The following TNPO3 variants were observed in gnomAD, a reference collection of about 807,000 sequenced individuals.
The protein encoded by TNPO3 is transportin 3.
TNPO3 carries 65 observed loss-of-function variants against 122.8 expected under a neutral mutation model. The ratio of observed to expected loss-of-function variants is 0.53; its 90% CI spans 0.43 to 0.65. The LOEUF (loss-of-function observed/expected upper bound fraction) is 0.65. TNPO3 is among the 30% of genes least tolerant of loss of function. The pLI is 0.00. For synonymous variants in TNPO3, 372 were observed against 411.2 expected (o/e 0.90, Z 1.15); for missense variants, 850 against 1,136.7 (o/e 0.75, Z 3.63).
chr7:129,027,359 G>A (rs1199993909), intron 1 of TNPO3, among the ~76,000 whole-genome samples: 3 of 151,662 alleles, frequency 2.0e-5, no homozygotes, highest in Non-Finnish European at 1.5e-5. Flanking sequence ...TCAGGAGTTT[G>A]AGACTAACCT....
chr7:128,970,423 T>G (rs898637206), intron 19 of TNPO3, 108 bp from the exon 20 acceptor site: 3 of 1,038,822 alleles, frequency 2.9e-6, no homozygotes, highest in Non-Finnish European at 4.2e-6. Context: ...AGTGTGTGTG[T>G]GTGTGCACGC....
rs886043855 is a variant in TNPO3, at chr7:129,001,227, T to A, written c.704A>T (p.Asp235Val). ...LALLFEVLQQ[D>V]KTSSNLHEAA... is the part of the protein sequence containing the mutation. ...TTCATGTAGGTTAGACGAGGTCTTA[T>A]CCTGTTGCTGGGGAGGTAGCAGGAA... Residue 235 changes from aspartate (D) to valine (V), a missense_variant, in exon 6 of 23, where the codon GAT (aspartate) becomes GTT (valine). Transcript: ENST00000265388. 3 of 1,603,038 alleles carry A rather than the reference T, an allele frequency of 1.9e-6. No individual in the cohort carries two copies. Among genetic ancestry groups the A allele is most frequent in the Non-Finnish European group, 2.6e-6 (3 of 1,171,270 alleles).
At chr7:129,003,347 A>G (rs1235812761) in intron 5 of TNPO3, among the ~76,000 whole-genome samples, 34 of 145,994 alleles carry the variant, frequency 2.3e-4, no homozygotes, top group African/African-American at 8.7e-4. Flanking sequence ...GTTGTACCAG[A>G]AAGTCATGGT....
chr7:128,986,425 T>C (rs1189428761), intron 12 of TNPO3, among the ~76,000 whole-genome samples: 3 of 152,250 alleles, frequency 2.0e-5, no homozygotes, highest in Non-Finnish European at 4.4e-5. Flanking sequence ...TCTCCCTTTT[T>C]ATTCTTCCAA....
chr7:129,014,819 T>C (rs1803646331), intron 4 of TNPO3, among the ~76,000 whole-genome samples, 160 bp downstream of exon 4: 1 of 152,226 alleles, frequency 6.6e-6, no homozygotes, highest in Non-Finnish European at 1.5e-5. Flanking sequence ...AAAGCATAGT[T>C]TCTGAAAGTA....
intron 4 of TNPO3, among the ~76,000 whole-genome samples, chr7:129,013,016 A>T (rs1490408958): frequency 1.3e-5 from 2 of 152,210 alleles, no homozygotes; most frequent in African/African-American, 4.8e-5. Context: ...TTTTTTAAAA[A>T]ATGTGTATTA....
At chr7:128,973,735 CAAAAAAAAAA>C (rs71162544) in intron 18 of TNPO3, among the ~76,000 whole-genome samples, 1 of 5,274 alleles carries the variant, frequency 1.9e-4, no homozygotes, top group Non-Finnish European at 2.8e-4. Context: ...GACTCCGTCT[CAAAAAAAAAA>C]AAAAAAAAAA....
intron 14 of TNPO3, among the ~76,000 whole-genome samples, chr7:128,980,633 T>C (rs1799533809): frequency 2.6e-5 from 4 of 151,244 alleles, no homozygotes; most frequent in Admixed American, 2.6e-4. Flanking sequence ...GTGGTTGCAG[T>C]GAACCGAGAT....
At chr7:129,012,349 G>T (rs1156512891) in intron 4 of TNPO3, among the ~76,000 whole-genome samples, 1 of 152,008 alleles carries the variant, frequency 6.6e-6, no homozygotes, top group Non-Finnish European at 1.5e-5. Context: ...ATTTTTAATA[G>T]AATTTTAATT....
intron 1 of TNPO3, among the ~76,000 whole-genome samples, chr7:129,051,147 A>AG (rs1435505641): frequency 1.6e-5 from 1 of 63,992 alleles, no homozygotes; most frequent in African/African-American, 3.5e-5. Context: ...CAAAATGTTA[A>AG]AAAAAAAAAG....
chr7:129,022,502 G>A (rs1804640903), intron 1 of TNPO3, among the ~76,000 whole-genome samples: 1 of 151,530 alleles, frequency 6.6e-6, no homozygotes, highest in African/African-American at 2.4e-5. Context: ...ATGTTGGGGG[G>A]TAGGGGAGAA....
rs567161792 is a variant in TNPO3 at position 128,974,752 on chromosome 7, A to T, written c.2273+116T>A. On this transcript the variant is annotated intron_variant, in intron 18 of 22. Coordinates refer to ENST00000265388, the MANE Select transcript of TNPO3 (RefSeq NM_012470.4). Reference sequence around the variant, plus strand: ...ATTTACCTTTGGGTTATGAATCATTAATCTACTTACTCCAGTGACTTCATT... The same window carrying T: ...ATTTACCTTTGGGTTATGAATCATTTATCTACTTACTCCAGTGACTTCATT... The T allele has an allele frequency of 2.7e-4, 222 of 837,206 alleles. 1 individual carries two copies. In the South Asian group the frequency reaches 3.2e-3, roughly 12 times the overall value. The allele number at this position is 837,206 out of a possible 1,614,324, so 51.9% of individuals were successfully genotyped here. A position where few individuals can be genotyped will look rare whatever the true frequency, so the allele number is the denominator to read the frequency against.
In TNPO3 at chr7:128,986,837, A is replaced by G; in HGVS notation, c.1582T>C (p.Ser528Pro). 1.2e-6 allele frequency: 2 copies of G among 1,614,102 alleles called. No individual in the cohort carries two copies. Among genetic ancestry groups the G allele is most frequent in the Non-Finnish European group, 1.7e-6 (2 of 1,180,012 alleles). ...AAAKAIHNIC[S>P]VCRDHMAQHF... ...TGAGCCATGTGATCTCGGCAGACAG[A>G]GCAAATGTTATGAATGGCTTTGGCT... Residue 528 changes from serine to proline, a missense_variant, in exon 12 of 23, where the codon TCT becomes CCT. By Grantham distance (74) the Ser-to-Pro change is moderately conservative. Transcript: ENST00000265388.
intron 1 of TNPO3, among the ~76,000 whole-genome samples, chr7:129,045,681 G>A (rs1807954894): frequency 6.6e-6 from 1 of 151,990 alleles, no homozygotes; most frequent in Non-Finnish European, 1.5e-5. Context: ...AAATATAGTA[G>A]TACCCTGATA....
chr7:128,989,881 C>A, intron 11 of TNPO3, 80 bp downstream of exon 11: 1 of 1,521,944 alleles, frequency 6.6e-7, no homozygotes, highest in Admixed American at 1.8e-5. Context: ...GAAAGGAAAA[C>A]ACATGCAAAA....
chr7:129,014,398 C>T (rs996659022), intron 4 of TNPO3, among the ~76,000 whole-genome samples: 1 of 152,144 alleles, frequency 6.6e-6, no homozygotes, highest in Non-Finnish European at 1.5e-5. Flanking sequence ...TGGCGCACAC[C>T]TGTAGTCCCA....
intron 11 of TNPO3, among the ~76,000 whole-genome samples, chr7:128,988,899 C>T (rs974384055): frequency 7.2e-5 from 11 of 151,976 alleles, no homozygotes; most frequent in South Asian, 2.1e-4. Context: ...CCCAACATAG[C>T]GAAACCCTGT....
At chr7:129,049,806 G>T (rs1364320047) in intron 1 of TNPO3, among the ~76,000 whole-genome samples, 1 of 152,182 alleles carries the variant, frequency 6.6e-6, no homozygotes, top group African/African-American at 2.4e-5. Flanking sequence ...CTGGGGGTGG[G>T]GAGGGAGGAT....
chr7:129,000,321 A>AGACT, intron 7 of TNPO3, 108 bp downstream of exon 7: 1 of 1,214,048 alleles, frequency 8.2e-7, no homozygotes. Flanking sequence ...ATTAAAAACA[A>AGACT]GACTGTAATT....
Sources: gnomAD v4.1 joint callset for allele counts (sites outside exome capture counted in the v4.1 genomes callset) on GRCh38, gnomAD v4.1.1 for gene constraint, MANE v1.5 for transcripts, NCBI Gene and HGNC (gene_info 2026-07-23, HGNC 2026-07-21) for gene names.